Variants in PDIA2 observed in about 807,000 individuals in gnomAD.
PDIA2 encodes protein disulfide-isomerase A2.
Under a neutral mutation model 51.1 loss-of-function variants are expected in PDIA2, and 76 were observed. The ratio of observed to expected loss-of-function variants is 1.49; its 90% CI spans 1.24 to 1.80. The LOEUF (loss-of-function observed/expected upper bound fraction) is 1.80. Ranked by LOEUF, PDIA2 falls within the 40% of genes most tolerant of loss-of-function variation. The pLI, the probability that PDIA2 is intolerant of heterozygous loss-of-function variation, is 0.00. For missense variants in PDIA2, 946 were observed against 706.5 expected (o/e 1.34, Z -3.84); for synonymous variants, 429 against 309.9 (o/e 1.38, Z -4.04).
rs373649494 is a variant in PDIA2 at position 284,858 on chromosome 16, C to A, written c.541-20C>A. 1 of 1,610,502 alleles carries A rather than the reference C, an allele frequency of 6.2e-7. No homozygotes were observed. Among genetic ancestry groups the A allele is most frequent in the Non-Finnish European group, 8.5e-7 (1 of 1,178,812 alleles). The stretch of plus-strand genomic sequence containing the variant: ...GACTGTGGGTGGGACCGGGTGGCCT[C>A]ACAGGGCCAGGCCCCTCAGGACCTG... On this transcript the variant is annotated intron_variant, in intron 3 of 10. Coordinates refer to ENST00000219406, the MANE Select transcript of PDIA2 (RefSeq NM_006849.4).
rs770901986 is a variant in PDIA2, at chr16:287,095, G to T, written c.1560G>T (p.Gly520=). ...FPEPPANSTM[G]SKEEL is the part of the protein sequence containing the mutation. ...AGCCACCGGCCAACTCCACTATGGGGTCCAAGGAGGAACTGTAGCTGCCCC... is the reference window on the plus strand; with the variant it reads ...AGCCACCGGCCAACTCCACTATGGGTTCCAAGGAGGAACTGTAGCTGCCCC... The change falls in exon 11 of 11, where the codon GGG becomes GGT. Residue 520 remains glycine (G), a synonymous_variant. Transcript: ENST00000219406. 1.2e-6 allele frequency: 2 copies of T among 1,612,706 alleles called. No homozygotes were observed.
chr16:283,914 G>C (rs977728673), intron 1 of PDIA2, among the ~76,000 whole-genome samples: 4 of 152,170 alleles, frequency 2.6e-5, no homozygotes, highest in Non-Finnish European at 5.9e-5. Flanking sequence ...GCCCAGGCTG[G>C]AGTGCAGTGG....
intron 7 of PDIA2, 73 bp downstream of exon 7, chr16:285,776 A>T: frequency 6.7e-7 from 1 of 1,495,390 alleles, no homozygotes; most frequent in Non-Finnish European, 9.1e-7. Flanking sequence ...GGGTGGGAAC[A>T]GCAGCTCTCA....
chr16:284,120 T>TGCCTCC, intron 1 of PDIA2: 1 of 542,370 alleles, frequency 1.8e-6, no homozygotes, highest in South Asian at 2.0e-5. Flanking sequence ...TGCCCGCCTC[T>TGCCTCC]GCCTCCCAAA....
rs182540774 is a variant in PDIA2 at position 286,403 on chromosome 16, T to G, written c.1170T>G (p.Val390=). 151 of 1,611,782 alleles carry G rather than the reference T, an allele frequency of 9.4e-5. No individual in the cohort carries two copies. The East Asian group carries it at 2.9e-3, about 31-fold the overall frequency. ...CCCCTGATTGGGATCAGCGGCCAGT[T>G]AAGACCCTCGTGGGCAAGAATTTTG... ...EIPPDWDQRP[V]KTLVGKNFEQ... Residue 390 remains valine (V), a synonymous_variant, in exon 8 of 11, where the codon GTT becomes GTG. Coordinates refer to ENST00000219406, the MANE Select transcript of PDIA2 (RefSeq NM_006849.4).
chr16:284,419 G>A lies in PDIA2; in HGVS notation c.232G>A (p.Ala78Thr). ...APWCGHCQAL[A>T]PEYSKAAAVL... ...GTGGTGTGGGCACTGCCAGGCCCTGGCCCCCGAGTACAGCAAGGCAGCTGC... is the reference window on the plus strand; with the variant it reads ...GTGGTGTGGGCACTGCCAGGCCCTGACCCCCGAGTACAGCAAGGCAGCTGC... Residue 78 changes from alanine to threonine, a missense_variant, in exon 2 of 11, where the codon GCC (alanine) becomes ACC (threonine). Physicochemically the swap from Ala to Thr is moderately conservative, Grantham distance 58. Transcript: ENST00000219406. 1 of 1,578,040 alleles carries A rather than the reference G, an allele frequency of 6.3e-7. No individual in the cohort carries two copies. Among genetic ancestry groups the A allele is most frequent in the Non-Finnish European group, 8.6e-7 (1 of 1,166,058 alleles).
chr16:283,611 C>T (rs568187547), intron 1 of PDIA2, among the ~76,000 whole-genome samples: 3 of 152,208 alleles, frequency 2.0e-5, no homozygotes, highest in Non-Finnish European at 4.4e-5. Context: ...CCTCCCTGCT[C>T]GGCCAGCGGC....
chr16:284,383 C>T lies in PDIA2; in HGVS notation c.200-4C>T, dbSNP rs1236277688. 1 of 1,549,962 alleles carries T rather than the reference C, an allele frequency of 6.5e-7. No individual in the cohort carries two copies. The highest frequency in any genetic ancestry group is 1.2e-5 in the South Asian group (1 of 84,908). Reference sequence around the variant, plus strand: ...CCTGGGGCACTCACGGCCCCATCCCCCAGATGCCCCGTGGTGTGGGCACTG... The same window carrying T: ...CCTGGGGCACTCACGGCCCCATCCCTCAGATGCCCCGTGGTGTGGGCACTG... On this transcript the variant is annotated splice_polypyrimidine_tract_variant and splice_region_variant and intron_variant, in intron 1 of 10. Coordinates refer to ENST00000219406, the MANE Select transcript of PDIA2 (RefSeq NM_006849.4).
intron 1 of PDIA2, 113 bp downstream of exon 1, chr16:283,481 G>C (rs189420539): frequency 8.7e-7 from 1 of 1,143,068 alleles, no homozygotes; most frequent in South Asian, 1.7e-5. Context: ...GGGCCTCCCC[G>C]CAGGCACTTG....
At position 286,367 on chromosome 16, in the gene PDIA2, C is replaced by T. The variant is rs1368329622; in HGVS notation, c.1134C>T (p.Ser378=). 1.2e-6 allele frequency: 2 copies of T among 1,608,336 alleles called. No homozygotes were observed. The highest frequency in any genetic ancestry group is 1.7e-6 in the Non-Finnish European group (2 of 1,178,644). ...GTTTCCCCCAGCCCTATCTCCTGAG[C>T]CAGGAGATACCCCCTGATTGGGATC... ...LNGQVKPYLL[S]QEIPPDWDQR... is the part of the protein sequence containing the mutation. The change falls in exon 8 of 11, where the codon AGC becomes AGT. Residue 378 remains serine (S), a synonymous_variant. Transcript: ENST00000219406.
rs1230960382 is a variant in PDIA2 at position 283,276 on chromosome 16, A to G, written c.107A>G (p.Glu36Gly). 6.2e-7 allele frequency: 1 copy of G among 1,610,352 alleles called. No homozygotes were observed. Among genetic ancestry groups the G allele is most frequent in the Admixed American group, 1.7e-5 (1 of 59,796 alleles). ...AGCCCCTCGGAGGAGCCTCCAGAGGAGGAAATCCCCAAGGAGGATGGGATC... is the reference window on the plus strand; with the variant it reads ...AGCCCCTCGGAGGAGCCTCCAGAGGGGGAAATCCCCAAGGAGGATGGGATC... The part of the protein sequence containing the change: ...ARSPSEEPPE[E>G]EIPKEDGILV... The change falls in exon 1 of 11, where the codon GAG becomes GGG. Residue 36 changes from glutamate to glycine, a missense_variant. Physicochemically the swap from Glu to Gly is moderately conservative, Grantham distance 98. Transcript: ENST00000219406.
In PDIA2 at chr16:286,772, G is replaced by T. The variant is rs773183122; in HGVS notation, c.1422+37G>T. 18 of 1,612,386 alleles carry T rather than the reference G, an allele frequency of 1.1e-5. No homozygotes were observed. The Admixed American group carries it at 3.0e-4, about 27-fold the overall frequency. On this transcript the variant is annotated intron_variant, in intron 9 of 10. Coordinates refer to ENST00000219406, the MANE Select transcript of PDIA2 (RefSeq NM_006849.4). ...AGGTGGCTGGGGAGGAAGCCGGGGTGCCATCTTGCTGGGCATGGGGCTGGG... is the reference window on the plus strand; with the variant it reads ...AGGTGGCTGGGGAGGAAGCCGGGGTTCCATCTTGCTGGGCATGGGGCTGGG...
At position 285,714 on chromosome 16, in the gene PDIA2, G is replaced by T; in HGVS notation, c.1119+11G>T. ...AACGGCCAAGTCAAGGTCCGCTGCAGACTGCTCATAATGGAAGGGGAACCC... is the reference window on the plus strand; with the variant it reads ...AACGGCCAAGTCAAGGTCCGCTGCATACTGCTCATAATGGAAGGGGAACCC... On this transcript the variant is annotated intron_variant, in intron 7 of 10. Coordinates refer to ENST00000219406, the MANE Select transcript of PDIA2 (RefSeq NM_006849.4). The T allele has an allele frequency of 6.2e-7, 1 of 1,611,200 alleles. No individual in the cohort carries two copies. Among genetic ancestry groups the T allele is most frequent in the Non-Finnish European group, 8.5e-7 (1 of 1,179,154 alleles).
At position 284,372 on chromosome 16, in the gene PDIA2, G is replaced by T. The variant is rs527622964; in HGVS notation, c.200-15G>T. ...GGTTGTGGTGGCCTGGGGCACTCAC[G>T]GCCCCATCCCCCAGATGCCCCGTGG... On this transcript the variant is annotated splice_polypyrimidine_tract_variant and intron_variant, in intron 1 of 10. Transcript: ENST00000219406. 1 of 1,540,716 alleles carries T rather than the reference G, an allele frequency of 6.5e-7. No individual in the cohort carries two copies. The highest frequency in any genetic ancestry group is 8.7e-7 in the Non-Finnish European group (1 of 1,148,998).
chr16:284,085 C>G, intron 1 of PDIA2: 1 of 464,950 alleles, frequency 2.2e-6, no homozygotes, highest in Non-Finnish European at 4.0e-6. Context: ...TCAGGCTGGT[C>G]TCGAACTCCC....
At chr16:286,200 CACAGGACCTCCCCCCCACCGCCCCCCCCA>C (rs2052373374) in intron 7 of PDIA2, among the ~76,000 whole-genome samples, 124 bp from the exon 8 acceptor site, 1 of 15,624 alleles carries the variant, frequency 6.4e-5, no homozygotes, top group Non-Finnish European at 1.3e-4. Flanking sequence ...CCCGGCCCCG[CACAGGACCTCCCCCCCACCGCCCCCCCCA>C]CACAGAACCT....
intron 10 of PDIA2, 52 bp from the exon 11 acceptor site, chr16:287,017 G>A (rs449401): frequency 0.19 from 305,085 of 1,612,120 alleles, 31,433 homozygotes; most frequent in African/African-American, 0.28. Context: ...AGGGGCGGGG[G>A]CAGGGGTAGG....
rs768786654 is a variant in PDIA2, at chr16:285,527, G to T, written c.943G>T (p.Val315Leu). The change falls in exon 7 of 11, where the codon GTG becomes TTG. Residue 315 changes from valine to leucine, a missense_variant. Val to Leu is a conservative substitution (Grantham distance 32). Coordinates refer to ENST00000219406, the MANE Select transcript of PDIA2 (RefSeq NM_006849.4). ...ACAGGTGCTGTTCGTGGTGGTGGAC[G>T]TGGCGGCCGACAATGAGCACGTGCT... The part of the protein sequence containing the change: ...RGQVLFVVVD[V>L]AADNEHVLQY... The T allele has an allele frequency of 1.1e-5, 18 of 1,612,894 alleles. No homozygotes were observed. The South Asian group carries it at 1.8e-4, about 16-fold the overall frequency.
At chr16:284,009 C>T (rs1388854470) in intron 1 of PDIA2, 4 of 312,892 alleles carry the variant, frequency 1.3e-5, no homozygotes, top group South Asian at 3.2e-5. Flanking sequence ...GGATTATAGG[C>T]ATACGCAACC....
Sources: gnomAD v4.1 joint callset for allele counts (sites outside exome capture counted in the v4.1 genomes callset) on GRCh38, gnomAD v4.1.1 for gene constraint, MANE v1.5 for transcripts, NCBI Gene and HGNC (gene_info 2026-07-23, HGNC 2026-07-21) for gene names.